RIMS2: variants seen among roughly 807,000 people sequenced by gnomAD.
The protein encoded by RIMS2 is regulating synaptic membrane exocytosis protein 2.
In RIMS2, 59 loss-of-function variants were observed where a neutral mutation model predicts 174.4. The observed-to-expected ratio is 0.34, with a 90% CI of 0.27 to 0.42. The LOEUF is 0.42. Among genes scored for constraint, RIMS2 ranks in the 10% least tolerant of loss-of-function variants. The probability of loss-of-function intolerance (pLI) is 1.00; values close to 1 mark genes in which losing one functional copy is unlikely to be tolerated. For synonymous variants in RIMS2, 606 were observed against 572.5 expected, an observed-to-expected ratio of 1.06 and a Z score of -0.84; for missense variants, 1,620 against 1,666.3, an observed-to-expected ratio of 0.97 and a Z score of 0.48.
chr8:103,623,280 C>T (rs1302578748), intron 1 of RIMS2, among the ~76,000 whole-genome samples: 4 of 152,144 alleles, frequency 2.6e-5, no homozygotes, highest in Admixed American at 6.5e-5. Context: ...ATAGCTACCT[C>T]ATAGACTGGT....
At chr8:104,244,047 A>G (rs1417913659) in intron 19 of RIMS2, among the ~76,000 whole-genome samples, 1 of 152,022 alleles carries the variant, frequency 6.6e-6, no homozygotes, top group Non-Finnish European at 1.5e-5. Context: ...TTAAGTCCCA[A>G]TCTGCCTATG....
intron 19 of RIMS2, among the ~76,000 whole-genome samples, chr8:104,021,446 T>C (rs762494862): frequency 2.0e-5 from 3 of 152,210 alleles, no homozygotes; most frequent in Non-Finnish European, 4.4e-5. Flanking sequence ...TGAAAGGAAA[T>C]GTTGATATGT....
At chr8:103,588,941 G>A (rs1303179492) in intron 1 of RIMS2, among the ~76,000 whole-genome samples, 4 of 151,758 alleles carry the variant, frequency 2.6e-5, no homozygotes, top group Non-Finnish European at 5.9e-5. Context: ...CTACTGTAAA[G>A]CAAAGGATAC....
intron 19 of RIMS2, among the ~76,000 whole-genome samples, chr8:104,064,096 T>A (rs1237733850): frequency 6.6e-6 from 1 of 152,180 alleles, no homozygotes; most frequent in East Asian, 1.9e-4. Context: ...AGAAGTTAAC[T>A]TTTTTTATAT....
intron 3 of RIMS2, among the ~76,000 whole-genome samples, chr8:103,800,345 T>G (rs2098598220): frequency 6.6e-6 from 1 of 152,222 alleles, no homozygotes; most frequent in South Asian, 2.1e-4. Context: ...CCTATTTTAC[T>G]GGCTAGTGCC....
At chr8:104,096,937 A>G (rs918434598) in intron 19 of RIMS2, among the ~76,000 whole-genome samples, 3 of 152,074 alleles carry the variant, frequency 2.0e-5, no homozygotes, top group African/African-American at 7.2e-5. Context: ...ATTTCAACAT[A>G]GGCTTTTGAA....
chr8:104,173,850 A>G (rs570107660), intron 19 of RIMS2, among the ~76,000 whole-genome samples: 30 of 151,114 alleles, frequency 2.0e-4, no homozygotes, highest in African/African-American at 7.0e-4. Flanking sequence ...GGCTCTTCTG[A>G]TTTTTAAAAT....
chr8:103,734,739 G>C (rs2097662728), intron 2 of RIMS2, among the ~76,000 whole-genome samples: 1 of 151,968 alleles, frequency 6.6e-6, no homozygotes, highest in African/African-American at 2.4e-5. Context: ...GCGTTCCTCA[G>C]ATCTCTAGCT....
chr8:104,220,213 T>G (rs1271415164), intron 19 of RIMS2, among the ~76,000 whole-genome samples: 2 of 152,174 alleles, frequency 1.3e-5, no homozygotes, highest in Non-Finnish European at 2.9e-5. Context: ...CTTCCTTCTC[T>G]TTCATTCTTT....
At chr8:104,239,158 A>G (rs146244184) in intron 19 of RIMS2, among the ~76,000 whole-genome samples, 121 of 152,328 alleles carry the variant, frequency 7.9e-4, no homozygotes, top group African/African-American at 2.7e-3. Context: ...AATAGTTTCC[A>G]AGTCAGTAGC....
At chr8:104,172,239 G>A (rs2098836648) in intron 19 of RIMS2, among the ~76,000 whole-genome samples, 1 of 152,166 alleles carries the variant, frequency 6.6e-6, no homozygotes, top group Admixed American at 6.5e-5. Flanking sequence ...GTAGCTGGAG[G>A]AGCTCTCAGT....
intron 1 of RIMS2, among the ~76,000 whole-genome samples, chr8:103,625,683 A>C (rs2134928969): frequency 6.6e-6 from 1 of 152,272 alleles, no homozygotes; most frequent in South Asian, 2.1e-4. Flanking sequence ...AAAAAAGCAA[A>C]GTGAGTGAAA....
At chr8:103,791,953 C>T (rs2098503118) in intron 3 of RIMS2, among the ~76,000 whole-genome samples, 1 of 152,116 alleles carries the variant, frequency 6.6e-6, no homozygotes, top group African/African-American at 2.4e-5. Context: ...GAGACTTAGA[C>T]TCCCACACAA....
chr8:103,957,008 A>G (rs1232261509), intron 14 of RIMS2, among the ~76,000 whole-genome samples: 2 of 152,370 alleles, frequency 1.3e-5, no homozygotes, highest in East Asian at 3.9e-4. Context: ...AAAACTCATT[A>G]TCACTGGTAA....
chr8:104,080,501 A>G (rs1315540114), intron 19 of RIMS2, among the ~76,000 whole-genome samples: 1 of 152,068 alleles, frequency 6.6e-6, no homozygotes, highest in Non-Finnish European at 1.5e-5. Context: ...AACTTGTGCC[A>G]TAATAACTAT....
chr8:103,901,607 C>G (rs1257232290), intron 4 of RIMS2, among the ~76,000 whole-genome samples: 1 of 152,018 alleles, frequency 6.6e-6, no homozygotes, highest in East Asian at 1.9e-4. Context: ...CTATTTGTAC[C>G]TGTGGAACCT....
intron 1 of RIMS2, among the ~76,000 whole-genome samples, chr8:103,611,513 CTTTG>C (rs1039037398): frequency 2.7e-5 from 4 of 148,930 alleles, no homozygotes; most frequent in African/African-American, 7.4e-5. Context: ...ATCCCTCAGC[CTTTG>C]TTTGTGTTGG....
chr8:103,809,322 G>A (rs1171887942), intron 3 of RIMS2, among the ~76,000 whole-genome samples: 1 of 151,026 alleles, frequency 6.6e-6, no homozygotes, highest in Non-Finnish European at 1.5e-5. Flanking sequence ...TTATTTCAAG[G>A]TAACCTGTTA....
chr8:103,555,493 A>G (rs1344978290), intron 1 of RIMS2, among the ~76,000 whole-genome samples: 1 of 152,212 alleles, frequency 6.6e-6, no homozygotes, highest in Non-Finnish European at 1.5e-5. Flanking sequence ...CTAACATATG[A>G]TATAGCAGTC....
Sources: gnomAD v4.1 joint callset for allele counts (sites outside exome capture counted in the v4.1 genomes callset) on GRCh38, gnomAD v4.1.1 for gene constraint, MANE v1.5 for transcripts, NCBI Gene and HGNC (gene_info 2026-07-23, HGNC 2026-07-21) for gene names.